The following IQSEC1 variants were observed in gnomAD, a reference collection of about 807,000 sequenced individuals.
The protein encoded by IQSEC1 is IQ motif and SEC7 domain-containing protein 1.
Under a neutral mutation model 91.0 loss-of-function variants are expected in IQSEC1, and 31 were observed. The ratio of observed to expected loss-of-function variants is 0.34; its 90% CI spans 0.26 to 0.46. IQSEC1 has a LOEUF of 0.46. IQSEC1 is among the 20% of genes least tolerant of loss of function. The pLI is 1.00. For missense variants in IQSEC1, 1,388 were observed against 1,575.6 expected (o/e 0.88, Z 2.02); for synonymous variants, 699 against 662.6 (o/e 1.05, Z -0.84).
intron 2 of IQSEC1, among the ~76,000 whole-genome samples, chr3:13,159,123 G>A (rs893761005): frequency 2.6e-5 from 4 of 152,112 alleles, no homozygotes; most frequent in South Asian, 2.1e-4. Flanking sequence ...AAGATCATGT[G>A]GGCGCTTATT....
intron 1 of IQSEC1, among the ~76,000 whole-genome samples, chr3:13,229,183 C>T (rs925664967): frequency 1.3e-5 from 2 of 152,208 alleles, no homozygotes; most frequent in African/African-American, 4.8e-5. Context: ...CACCTTTCCC[C>T]TAAACAGCAT....
intron 1 of IQSEC1, among the ~76,000 whole-genome samples, chr3:13,053,679 G>C (rs1297470776): frequency 6.6e-6 from 1 of 152,140 alleles, no homozygotes; most frequent in Non-Finnish European, 1.5e-5. Context: ...GTGAGGGCAT[G>C]ACCCAGGAGG....
intron 1 of IQSEC1, among the ~76,000 whole-genome samples, chr3:13,254,257 C>T (rs9814378): frequency 0.01 from 1,595 of 152,384 alleles, 26 homozygotes; most frequent in South Asian, 0.038. Context: ...AGCCCGCTCC[C>T]CATGGCTAGG....
At position 12,900,542 on chromosome 3, in the gene IQSEC1, G is replaced by A; in HGVS notation, c.*441C>T. 1 of 976,598 alleles carries A rather than the reference G, an allele frequency of 1.0e-6. No homozygotes were observed. The highest frequency in any genetic ancestry group is 1.2e-6 in the Non-Finnish European group (1 of 821,836). The allele number at this position is 976,598 out of a possible 1,614,324, so 60.5% of individuals were successfully genotyped here. A position where few individuals can be genotyped will look rare whatever the true frequency, so the allele number is the denominator to read the frequency against. On this transcript the variant is annotated 3_prime_UTR_variant, in exon 14 of 14. Transcript: ENST00000613206. ...CCATATCAGGTCTACTTATTTTTTT[G>A]CCCATTGTCAATAAAAGAGCAATAA...
chr3:12,948,191 G>A (rs1231211019), intron 1 of IQSEC1, among the ~76,000 whole-genome samples: 1 of 152,234 alleles, frequency 6.6e-6, no homozygotes, highest in Non-Finnish European at 1.5e-5. Flanking sequence ...AATACAGTGA[G>A]GTCCTTAAGA....
In IQSEC1 at chr3:12,901,858, C is replaced by T. The variant is rs558669668; in HGVS notation, c.2806-336G>A. Among the ~76,000 whole-genome samples, 5 of 152,222 alleles carry T rather than the reference C, an allele frequency of 3.3e-5. No individual in the cohort carries two copies. In the South Asian group the frequency reaches 8.3e-4, roughly 25 times the overall value. On this transcript the variant is annotated intron_variant, in intron 13 of 13. Transcript: ENST00000613206. The stretch of plus-strand genomic sequence containing the variant: ...AGCCTGAGATTTCAAATTGGAACCC[C>T]TAGGTTGGGGTGTCTGTGCGCTGTG...
At chr3:12,916,677 T>C (rs1002748546) in intron 6 of IQSEC1, among the ~76,000 whole-genome samples, 2 of 152,130 alleles carry the variant, frequency 1.3e-5, no homozygotes, top group African/African-American at 4.8e-5. Flanking sequence ...GGGGAACTTA[T>C]CCCATGGGAA....
intron 1 of IQSEC1, among the ~76,000 whole-genome samples, chr3:12,972,731 C>G (rs1228533492): frequency 6.6e-6 from 1 of 152,218 alleles, no homozygotes; most frequent in Non-Finnish European, 1.5e-5. Context: ...AACACTGACA[C>G]TGACCCGAGG....
intron 1 of IQSEC1, among the ~76,000 whole-genome samples, chr3:12,953,238 C>G (rs1358216806): frequency 6.6e-6 from 1 of 152,248 alleles, no homozygotes; most frequent in East Asian, 1.9e-4. Context: ...GCGCCGTAGA[C>G]AGACCTGTCC....
At chr3:12,926,322 AAC>A (rs1200461378) in intron 3 of IQSEC1, among the ~76,000 whole-genome samples, 8 of 137,084 alleles carry the variant, frequency 5.8e-5, no homozygotes, top group Non-Finnish European at 1.1e-4. Context: ...AAAAAAAAAA[AAC>A]AAAAAAGGAG....
At chr3:13,192,199 A>G (rs543019594) in intron 1 of IQSEC1, among the ~76,000 whole-genome samples, 3,518 of 151,932 alleles carry the variant, frequency 0.023, 47 homozygotes, top group Middle Eastern at 0.045. Context: ...TTAGCCAGGC[A>G]TGGTGGCGGG....
At position 13,154,438 on chromosome 3, in the gene IQSEC1, CATATAT is replaced by C. The variant is rs774589168; in HGVS notation, c.302+9660_302+9665del. ...ACACCAGGAAGCTGGAACTTACATG[CATATAT>C]ATATATATATATATATATATATATA... On this transcript the variant is annotated intron_variant, in intron 2 of 15. Coordinates refer to the IQSEC1 transcript ENST00000648114. 4.8e-3 allele frequency among the ~76,000 whole-genome samples: 99 copies of C among 20,754 alleles called. 9 individuals are homozygous for C. Among genetic ancestry groups the C allele is most frequent in the East Asian group, 0.018 (10 of 552 alleles). 13.6% of individuals were successfully genotyped at this position (20,754 alleles called of 152,430 possible).
intron 8 of IQSEC1, among the ~76,000 whole-genome samples, chr3:12,914,465 A>T (rs1048697962): frequency 2.0e-5 from 3 of 152,132 alleles, no homozygotes. Flanking sequence ...TGAGGGGGAA[A>T]ATGTGGCCCA....
intron 5 of IQSEC1, 28 bp from the exon 6 acceptor site, chr3:12,920,624 G>T: frequency 6.2e-7 from 1 of 1,611,454 alleles, no homozygotes; most frequent in Non-Finnish European, 8.5e-7. Flanking sequence ...GGGGGTCAGG[G>T]CCATGGCGCA....
Position 13,013,107 on chromosome 3 carries a change from T to C in IQSEC1, c.23+59885A>G, listed in dbSNP as rs1271793109. 2.6e-5 allele frequency among the ~76,000 whole-genome samples: 4 copies of C among 152,134 alleles called. No homozygotes were observed. The East Asian group carries it at 5.8e-4, about 22-fold the overall frequency. ...TCCCAAGTAGCTGGGATTACCGGCA[T>C]GCGCCACCACGCCCGGCTAATTTTT... On this transcript the variant is annotated intron_variant, in intron 1 of 13. Transcript: ENST00000613206.
intron 1 of IQSEC1, among the ~76,000 whole-genome samples, chr3:13,253,931 T>C (rs114348008): frequency 0.02 from 3,027 of 152,248 alleles, 41 homozygotes; most frequent in Non-Finnish European, 0.027. Context: ...ATGGAAGCTG[T>C]GTTTCCACCG....
chr3:13,016,514 G>A (rs1043919291), intron 1 of IQSEC1, among the ~76,000 whole-genome samples: 3 of 152,140 alleles, frequency 2.0e-5, no homozygotes, highest in African/African-American at 7.2e-5. Flanking sequence ...CAACTTTCAA[G>A]CCCTCTCCAG....
chr3:13,247,710 A>G (rs771185023), intron 1 of IQSEC1, among the ~76,000 whole-genome samples: 3 of 152,088 alleles, frequency 2.0e-5, no homozygotes, highest in Non-Finnish European at 2.9e-5. Flanking sequence ...TTGATAAGTG[A>G]GTTTCATGGT....
At chr3:13,146,429 G>A (rs868209048) in intron 2 of IQSEC1, among the ~76,000 whole-genome samples, 1 of 152,076 alleles carries the variant, frequency 6.6e-6, no homozygotes, top group Non-Finnish European at 1.5e-5. Flanking sequence ...ATTTAGCACA[G>A]CCAGGCTAGG....
Sources: allele counts gnomAD v4.1 joint callset (sites outside exome capture counted in the v4.1 genomes callset), GRCh38; gene constraint gnomAD v4.1.1; transcripts MANE v1.5; gene names NCBI Gene and HGNC (gene_info 2026-07-23, HGNC 2026-07-21).